DENND1A: variants seen among roughly 807,000 people sequenced by gnomAD.
DENND1A encodes the protein DENN domain-containing protein 1A.
DENND1A carries 51 observed loss-of-function variants against 113.7 expected under a neutral mutation model. The observed-to-expected ratio is 0.45, with a 90% CI of 0.36 to 0.57. The LOEUF (loss-of-function observed/expected upper bound fraction) is 0.57. Among genes scored for constraint, DENND1A ranks in the 20% least tolerant of loss-of-function variants. DENND1A has a pLI of 0.00. For synonymous variants in DENND1A, 565 were observed against 570.8 expected, an observed-to-expected ratio of 0.99 and a Z score of 0.14; for missense variants, 1,258 against 1,395.9, an observed-to-expected ratio of 0.90 and a Z score of 1.57.
At chr9:123,639,039 TAA>T (rs750972974) in intron 9 of DENND1A, among the ~76,000 whole-genome samples, 272 of 32,074 alleles carry the variant, frequency 8.5e-3, no homozygotes, top group Middle Eastern at 0.053. Context: ...GCATGAGTAG[TAA>T]AAAAAAAAAA....
chr9:123,637,754 GCAAA>G (rs1315033005), intron 9 of DENND1A, among the ~76,000 whole-genome samples: 7 of 152,166 alleles, frequency 4.6e-5, no homozygotes, highest in Admixed American at 3.3e-4. Flanking sequence ...GAAGGAAAGA[GCAAA>G]CAGTGTCTTG....
rs186083931 is a variant in DENND1A at position 123,442,269 on chromosome 9, C to T, written c.1357-1778G>A. Among the ~76,000 whole-genome samples the T allele has an allele frequency of 8.5e-5, 13 of 152,234 alleles. No homozygotes were observed. The East Asian group carries it at 2.3e-3, about 27-fold the overall frequency. On this transcript the variant is annotated intron_variant, in intron 18 of 23. Transcript: ENST00000394215. The stretch of plus-strand genomic sequence containing the variant: ...ACAAAGGGAGATGATGACCTCCTGG[C>T]TTTACTGGGAGGGCTTGGATCAGGT...
rs372616970 is a variant in DENND1A at position 123,382,113 on chromosome 9, G to A, written c.2532C>T (p.Leu844=). The A allele has an allele frequency of 3.2e-6, 5 of 1,569,308 alleles. No individual in the cohort carries two copies. Among genetic ancestry groups the A allele is most frequent in the African/African-American group, 1.4e-5 (1 of 74,000 alleles). Residue 844 remains leucine, a synonymous_variant, in exon 24 of 24, where the codon CTC becomes CTT. Transcript: ENST00000394215. ...GAAGTSSDAL[L]ALLDPLSTAW... ...CTGTGCTGAGCGGGTCCAGGAGGGC[G>A]AGCAGGGCGTCACTGCTCGTGCCTG... is the stretch of plus-strand genomic sequence containing the variant.
intron 12 of DENND1A, among the ~76,000 whole-genome samples, chr9:123,575,371 T>C (rs1451538917): frequency 6.6e-6 from 1 of 152,176 alleles, no homozygotes; most frequent in South Asian, 2.1e-4. Context: ...TCCTACTGTA[T>C]GGCTGGGTTC....
At chr9:123,635,564 GAT>G (rs2138815629) in intron 9 of DENND1A, among the ~76,000 whole-genome samples, 1 of 152,334 alleles carries the variant, frequency 6.6e-6, no homozygotes, top group African/African-American at 2.4e-5. Flanking sequence ...AAATGACACA[GAT>G]ATGCATTTGC....
intron 13 of DENND1A, among the ~76,000 whole-genome samples, chr9:123,541,770 G>GA (rs2056305492): frequency 1.3e-5 from 2 of 152,250 alleles, no homozygotes; most frequent in African/African-American, 2.4e-5. Context: ...AAGATGCACA[G>GA]AGGACGAGTA....
intron 13 of DENND1A, among the ~76,000 whole-genome samples, chr9:123,498,977 C>T (rs895150699): frequency 2.0e-5 from 3 of 151,850 alleles, no homozygotes; most frequent in East Asian, 1.9e-4. Context: ...CCCACCTTGG[C>T]CTCCTAAAGT....
chr9:123,709,608 G>A (rs2066454522), intron 5 of DENND1A, among the ~76,000 whole-genome samples: 1 of 152,084 alleles, frequency 6.6e-6, no homozygotes, highest in Non-Finnish European at 1.5e-5. Context: ...GCTTGCTACT[G>A]CCTTGCTATA....
chr9:123,902,615 A>G lies in DENND1A; in HGVS notation c.18-23594T>C, dbSNP rs368594490. 6.6e-5 allele frequency among the ~76,000 whole-genome samples: 10 copies of G among 152,358 alleles called. No homozygotes were observed. The East Asian group carries it at 1.5e-3, about 23-fold the overall frequency. On this transcript the variant is annotated intron_variant, in intron 1 of 23. Transcript: ENST00000394215. ...GCAAGTGAAAAATAAAAGATCTGTC[A>G]AAAAACATTGCAAATGAGAGAAAAG... is the stretch of plus-strand genomic sequence containing the variant.
chr9:123,648,050 A>C (rs1166278956), intron 9 of DENND1A, among the ~76,000 whole-genome samples: 1 of 152,052 alleles, frequency 6.6e-6, no homozygotes, highest in African/African-American at 2.4e-5. Flanking sequence ...CAGCCACGAA[A>C]TTTTTTGTAA....
chr9:123,867,270 A>G (rs1336451866), intron 2 of DENND1A, among the ~76,000 whole-genome samples: 4 of 152,214 alleles, frequency 2.6e-5, no homozygotes, highest in Non-Finnish European at 5.9e-5. Context: ...AAGTCTTCTA[A>G]GCATTTAAAA....
chr9:123,810,657 T>C (rs1337956467), intron 2 of DENND1A, among the ~76,000 whole-genome samples: 1 of 151,514 alleles, frequency 6.6e-6, no homozygotes, highest in Non-Finnish European at 1.5e-5. Context: ...TTAAGCCACA[T>C]TGAAAGCCAT....
intron 5 of DENND1A, among the ~76,000 whole-genome samples, chr9:123,682,879 C>T (rs1045481986): frequency 9.9e-5 from 15 of 152,188 alleles, no homozygotes; most frequent in African/African-American, 3.4e-4. Flanking sequence ...AGAGGCTCCT[C>T]CAGAATTCTA....
At chr9:123,882,157 CT>C (rs1848402703) in intron 1 of DENND1A, among the ~76,000 whole-genome samples, 4 of 152,018 alleles carry the variant, frequency 2.6e-5, no homozygotes, top group Non-Finnish European at 5.9e-5. Context: ...TCCAACCTGA[CT>C]ACTTCTTCCC....
intron 13 of DENND1A, among the ~76,000 whole-genome samples, chr9:123,501,409 C>T (rs1285645980): frequency 6.6e-6 from 1 of 152,150 alleles, no homozygotes; most frequent in African/African-American, 2.4e-5. Context: ...ACATGGGTAC[C>T]AAATATAACA....
chr9:123,735,244 G>C (rs2068475664), intron 5 of DENND1A, among the ~76,000 whole-genome samples: 1 of 152,180 alleles, frequency 6.6e-6, no homozygotes, highest in Non-Finnish European at 1.5e-5. Flanking sequence ...AGCTCATCCA[G>C]GAAGGAACGA....
At chr9:123,839,768 A>G (rs1022608996) in intron 2 of DENND1A, among the ~76,000 whole-genome samples, 1 of 152,228 alleles carries the variant, frequency 6.6e-6, no homozygotes, top group African/African-American at 2.4e-5. Context: ...CTGTCTATCA[A>G]CATATTAGCA....
At chr9:123,560,892 G>C (rs575932263) in intron 12 of DENND1A, among the ~76,000 whole-genome samples, 1 of 152,166 alleles carries the variant, frequency 6.6e-6, no homozygotes, top group East Asian at 1.9e-4. Flanking sequence ...CCACAGTGAT[G>C]AGAGCCCCTG....
intron 2 of DENND1A, among the ~76,000 whole-genome samples, chr9:123,806,802 G>T (rs1835656885): frequency 6.6e-6 from 1 of 151,814 alleles, no homozygotes; most frequent in Non-Finnish European, 1.5e-5. Flanking sequence ...AATACTGAAT[G>T]AAAAAAAGAA....
Sources: allele counts gnomAD v4.1 joint callset (sites outside exome capture counted in the v4.1 genomes callset), GRCh38; gene constraint gnomAD v4.1.1; transcripts MANE v1.5; gene names NCBI Gene and HGNC (gene_info 2026-07-23, HGNC 2026-07-21).